Variants in DTX1 observed in about 807,000 individuals in gnomAD.
DTX1 encodes deltex E3 ubiquitin ligase 1.
Under a neutral mutation model 57.8 loss-of-function variants are expected in DTX1, and 26 were observed. That is an observed-to-expected ratio of 0.45 (90% CI 0.33 to 0.62). DTX1 has a LOEUF of 0.62. DTX1 is among the 20% of genes least tolerant of loss of function. The pLI is 0.02. For missense variants in DTX1, 704 were observed against 895.3 expected, an observed-to-expected ratio of 0.79 and a Z score of 2.73; for synonymous variants, 398 against 394.1, an observed-to-expected ratio of 1.01 and a Z score of -0.12.
Position 113,093,355 on chromosome 12 carries a change from C to A in DTX1, c.1003+132C>A. 7.4e-7 allele frequency: 1 copy of A among 1,350,102 alleles called. No homozygotes were observed. Among genetic ancestry groups the A allele is most frequent in the Non-Finnish European group, 1.0e-6 (1 of 1,004,764 alleles). 83.6% of individuals were successfully genotyped at this position (1,350,102 alleles called of 1,614,324 possible). On this transcript the variant is annotated intron_variant, in intron 4 of 9. Transcript: ENST00000548759. This position sits in a 1 kb window ranked among gnomAD's most constrained non-coding sequence, Gnocchi z 4.2. Reference sequence around the variant, plus strand: ...GAGGAAACGCCCCCTTCCACTGGGCCCAGGACACAGGGCGGGCGTGGCCCG... The same window carrying A: ...GAGGAAACGCCCCCTTCCACTGGGCACAGGACACAGGGCGGGCGTGGCCCG...
In DTX1 at chr12:113,077,899, T is replaced by C. The variant is rs1041130881; in HGVS notation, c.735T>C (p.Leu245=). ...CACCTGGAGGGCCTCCAGGCGCGCT[T>C]GCCGTGCGCCCCAGCGCCACCTTCA... is the stretch of plus-strand genomic sequence containing the variant. ...PPPPGGPPGA[L]AVRPSATFTG... The change falls in exon 3 of 10, where the codon CTT becomes CTC. Residue 245 remains leucine, a synonymous_variant. Transcript: ENST00000548759. The surrounding 1 kb of genome is among the most constrained non-coding windows in gnomAD (Gnocchi z 7.8). 5 of 1,250,194 alleles carry C rather than the reference T, an allele frequency of 4.0e-6. No individual in the cohort carries two copies. Among genetic ancestry groups the C allele is most frequent in the Non-Finnish European group, 5.0e-6 (5 of 1,003,734 alleles). The allele number at this position is 1,250,194 out of a possible 1,614,324, so 77.4% of individuals were successfully genotyped here.
Position 113,093,258 on chromosome 12 carries a change from G to A in DTX1, c.1003+35G>A. 6.4e-7 allele frequency: 1 copy of A among 1,561,638 alleles called. No homozygotes were observed. The highest frequency in any genetic ancestry group is 1.4e-5 in the African/African-American group (1 of 73,650). On this transcript the variant is annotated intron_variant, in intron 4 of 9. Coordinates refer to ENST00000548759, the MANE Select transcript of DTX1 (RefSeq NM_004416.3). The surrounding 1 kb of genome is among the most constrained non-coding windows in gnomAD (Gnocchi z 4.2). ...GGCCCAGGGCGGGAAAGAAGGGCGG[G>A]GCCCACTAGGAGGCAGCTCCGCCTG... is the stretch of plus-strand genomic sequence containing the variant.
Position 113,077,395 on chromosome 12 carries a change from C to A in DTX1, c.260-29C>A. 1.3e-6 allele frequency: 2 copies of A among 1,572,072 alleles called. No individual in the cohort carries two copies. The highest frequency in any genetic ancestry group is 1.7e-6 in the Non-Finnish European group (2 of 1,165,344). On this transcript the variant is annotated intron_variant, in intron 2 of 9. Transcript: ENST00000548759. The surrounding 1 kb of genome is among the most constrained non-coding windows in gnomAD (Gnocchi z 7.8). The stretch of plus-strand genomic sequence containing the variant: ...GCCGCGCAGACCAACGCCCGCTGTG[C>A]TGACGCCTCCTCCCCATTTCGAGTA...
intron 3 of DTX1, among the ~76,000 whole-genome samples, chr12:113,087,585 G>C (rs2044871564): frequency 6.6e-6 from 1 of 152,072 alleles, no homozygotes; most frequent in Admixed American, 6.6e-5. Flanking sequence ...AAGGAGAAAG[G>C]GAGAGGGTGG....
In DTX1 at chr12:113,058,305, G is replaced by A. The variant is rs147326535; in HGVS notation, c.113G>A (p.Arg38Gln). The A allele has an allele frequency of 5.0e-6, 8 of 1,613,586 alleles. No individual in the cohort carries two copies. The East Asian group carries it at 6.7e-5, about 13-fold the overall frequency. Residue 38 changes from arginine (R) to glutamine (Q), a missense_variant, in exon 2 of 10, where the codon CGG becomes CAG. Physicochemically the swap from Arg to Gln is conservative, Grantham distance 43. This residue lies in a region of DTX1 where 237 missense variants were observed against 328.6 expected (regional missense o/e 0.72). Transcript: ENST00000548759. ...TGGCTGAATGAGCACAGCCGCTGGC[G>A]GCCCTACACGGCCACCGTGTGCCAC... The part of the protein sequence containing the change: ...WEWLNEHSRW[R>Q]PYTATVCHHI...
intron 3 of DTX1, among the ~76,000 whole-genome samples, chr12:113,080,626 A>AATGGAATGG (rs2044809803): frequency 6.6e-6 from 1 of 152,220 alleles, no homozygotes; most frequent in Non-Finnish European, 1.5e-5. Context: ...AACGGAATGG[A>AATGGAATGG]AAACAGAATA....
intron 2 of DTX1, among the ~76,000 whole-genome samples, chr12:113,061,849 C>G (rs1213582333): frequency 6.6e-6 from 1 of 151,710 alleles, no homozygotes; most frequent in East Asian, 1.9e-4. Flanking sequence ...TACAGGCAAG[C>G]TACCACATAC....
intron 3 of DTX1, among the ~76,000 whole-genome samples, chr12:113,085,606 C>T (rs2044851201): frequency 6.6e-6 from 1 of 152,252 alleles, no homozygotes; most frequent in African/African-American, 2.4e-5. Flanking sequence ...GTTCTTCCTG[C>T]ATTAAGGGCA....
chr12:113,080,249 C>G (rs1337605909), intron 3 of DTX1, among the ~76,000 whole-genome samples: 1 of 152,170 alleles, frequency 6.6e-6, no homozygotes, highest in Non-Finnish European at 1.5e-5. Flanking sequence ...CTTGGGGAAG[C>G]CTTGTCCAAA....
At chr12:113,068,668 T>A (rs2044720782) in intron 2 of DTX1, among the ~76,000 whole-genome samples, 1 of 152,210 alleles carries the variant, frequency 6.6e-6, no homozygotes, top group African/African-American at 2.4e-5. Context: ...TTAGACTGAT[T>A]CCTAAGGGCA....
In DTX1 at chr12:113,077,411, A is replaced by C; in HGVS notation, c.260-13A>C. The C allele has an allele frequency of 6.4e-7, 1 of 1,552,332 alleles. No individual in the cohort carries two copies. Among genetic ancestry groups the C allele is most frequent in the Non-Finnish European group, 8.7e-7 (1 of 1,150,600 alleles). On this transcript the variant is annotated splice_polypyrimidine_tract_variant and intron_variant, in intron 2 of 9. Transcript: ENST00000548759. This position sits in a 1 kb window ranked among gnomAD's most constrained non-coding sequence, Gnocchi z 7.8. ...CCCGCTGTGCTGACGCCTCCTCCCC[A>C]TTTCGAGTACAGGCACCATGCGGCC...
At chr12:113,094,126 G>GGGT in intron 6 of DTX1, 27 bp downstream of exon 6, 7 of 964,910 alleles carry the variant, frequency 7.3e-6, no homozygotes, top group Admixed American at 2.0e-5. Context: ...GGGGCTGGGG[G>GGGT]AGGGCCCTGG....
intron 2 of DTX1, among the ~76,000 whole-genome samples, chr12:113,060,804 G>A (rs563018473): frequency 3.9e-5 from 6 of 152,348 alleles, no homozygotes; most frequent in East Asian, 1.9e-4. Context: ...GGGCAGGGCT[G>A]TGAGAGCAGA....
intron 3 of DTX1, among the ~76,000 whole-genome samples, chr12:113,087,804 G>A (rs777276313): frequency 1.9e-4 from 29 of 152,044 alleles, no homozygotes; most frequent in Non-Finnish European, 4.0e-4. Context: ...ACAAGTCTAG[G>A]CCTGCTGGGG....
chr12:113,077,731 G>A lies in DTX1; in HGVS notation c.567G>A (p.Ser189=), dbSNP rs1351094001. The change falls in exon 3 of 10, where the codon TCG becomes TCA. Residue 189 remains serine, a synonymous_variant. Coordinates refer to ENST00000548759, the MANE Select transcript of DTX1 (RefSeq NM_004416.3). This position sits in a 1 kb window ranked among gnomAD's most constrained non-coding sequence, Gnocchi z 7.8. ...TGGGCTCCATCCCTAAGTCGCAGTC[G>A]TGGCCCGTGGGCGCCAGCTCGGGCC... ...LTVGSIPKSQ[S]WPVGASSGQP... 1.3e-6 allele frequency: 2 copies of A among 1,534,254 alleles called. No individual in the cohort carries two copies. Among genetic ancestry groups the A allele is most frequent in the African/African-American group, 1.4e-5 (1 of 72,620 alleles).
At position 113,070,485 on chromosome 12, in the gene DTX1, G is replaced by A. The variant is rs114552367; in HGVS notation, c.260-6939G>A. Among the ~76,000 whole-genome samples, 464 of 152,296 alleles carry A rather than the reference G, an allele frequency of 3.0e-3. 2 individuals carry two copies. The highest frequency in any genetic ancestry group is 9.2e-3 in the African/African-American group (384 of 41,570). ...GGTTCCCTGCTGGGCCTTGAAGCTG[G>A]CCCAGCCCAGAGAGGAACCGTTTAG... On this transcript the variant is annotated intron_variant, in intron 2 of 9. Transcript: ENST00000548759.
intron 2 of DTX1, among the ~76,000 whole-genome samples, chr12:113,062,844 TC>T (rs2044675248): frequency 6.6e-6 from 1 of 152,202 alleles, no homozygotes; most frequent in African/African-American, 2.4e-5. Context: ...CCCTCACCTT[TC>T]CCCTGCTGGG....
chr12:113,068,089 A>G (rs1215396435), intron 2 of DTX1, among the ~76,000 whole-genome samples: 1 of 152,218 alleles, frequency 6.6e-6, no homozygotes, highest in Non-Finnish European at 1.5e-5. Context: ...AAATGTAAAT[A>G]GCATGTGAAC....
intron 2 of DTX1, among the ~76,000 whole-genome samples, chr12:113,064,936 T>C (rs183049430): frequency 1.3e-5 from 2 of 152,154 alleles, no homozygotes; most frequent in East Asian, 1.9e-4. Context: ...TTTGGGTAAA[T>C]AGAATGATAG....
Sources: allele counts gnomAD v4.1 joint callset (sites outside exome capture counted in the v4.1 genomes callset), GRCh38; gene constraint gnomAD v4.1.1; regional missense constraint gnomAD v4.1.1; non-coding constraint Gnocchi (gnomAD v3.1); transcripts MANE v1.5; gene names NCBI Gene and HGNC (gene_info 2026-07-23, HGNC 2026-07-21).